The following SORCS3 variants were observed in gnomAD, a reference collection of about 807,000 sequenced individuals.
The protein encoded by SORCS3 is sortilin related VPS10 domain containing receptor 3, also known as VPS10 domain-containing receptor SorCS3.
A neutral mutation model predicts 146.3 loss-of-function variants in SORCS3; 57 were observed. The ratio of observed to expected loss-of-function variants is 0.39; its 90% CI spans 0.31 to 0.49. The LOEUF (loss-of-function observed/expected upper bound fraction) is 0.49. Ranked by LOEUF, SORCS3 falls within the 20% of genes least tolerant of loss-of-function variation. The pLI is 0.92. For synonymous variants in SORCS3, 653 were observed against 618.5 expected (o/e 1.06, Z -0.83); for missense variants, 1,341 against 1,575.5 (o/e 0.85, Z 2.52).
intron 4 of SORCS3, among the ~76,000 whole-genome samples, chr10:105,040,536 C>T (rs2055332005): frequency 2.0e-5 from 3 of 152,202 alleles, no homozygotes; most frequent in Admixed American, 2.0e-4. Flanking sequence ...TCTTTCCCAT[C>T]TGTCAACCTC....
At chr10:105,127,027 A>G (rs1377013) in intron 7 of SORCS3, among the ~76,000 whole-genome samples, 94,900 of 152,026 alleles carry the variant, frequency 0.62, 31,103 homozygotes, top group African/African-American at 0.83. Flanking sequence ...TCACAAAGGT[A>G]CTGAACCAGT....
intron 5 of SORCS3, among the ~76,000 whole-genome samples, chr10:105,057,367 T>C (rs1219596954): frequency 6.6e-6 from 1 of 152,200 alleles, no homozygotes; most frequent in Non-Finnish European, 1.5e-5. Context: ...AATGGTCTTT[T>C]CATTTCACAC....
chr10:105,060,954 A>G (rs146579661), intron 5 of SORCS3, among the ~76,000 whole-genome samples: 1 of 149,678 alleles, frequency 6.7e-6, no homozygotes, highest in Non-Finnish European at 1.5e-5. Flanking sequence ...AAAAAAAAAA[A>G]CAAACAAAAA....
rs1329759466 is a variant in SORCS3 at position 104,860,133 on chromosome 10, G to A, written c.695+17274G>A. On this transcript the variant is annotated intron_variant, in intron 2 of 26. Transcript: ENST00000369701. The stretch of plus-strand genomic sequence containing the variant: ...ACACATGCACACATATGTTTATTGC[G>A]GCACTATTCACAATAGCAAAGACTT... Among the ~76,000 whole-genome samples the A allele has an allele frequency of 3.1e-3, 376 of 120,398 alleles. 2 individuals carry two copies. The highest frequency in any genetic ancestry group is 0.015 in the South Asian group (54 of 3,520). The allele number at this position is 120,398 out of a possible 152,430, so 79.0% of individuals were successfully genotyped here. A position where few individuals can be genotyped will look rare whatever the true frequency, so the allele number is the denominator to read the frequency against.
intron 7 of SORCS3, among the ~76,000 whole-genome samples, chr10:105,126,107 C>T (rs2055971887): frequency 1.3e-5 from 2 of 152,214 alleles, no homozygotes; most frequent in South Asian, 4.2e-4. Context: ...TATGAACTGC[C>T]TCTGCAAAGA....
intron 19 of SORCS3, chr10:105,217,903 G>C (rs2056675087): frequency 1.5e-5 from 7 of 453,986 alleles, no homozygotes; most frequent in Non-Finnish European, 3.1e-5. Flanking sequence ...ATGTGTATCA[G>C]TGATATTCGT....
intron 1 of SORCS3, among the ~76,000 whole-genome samples, chr10:104,667,245 T>G (rs941678793): frequency 2.0e-5 from 3 of 152,182 alleles, no homozygotes; most frequent in Non-Finnish European, 2.9e-5. Context: ...TGTACTGACT[T>G]TCCCGAGCTC....
intron 8 of SORCS3, 89 bp from the exon 9 acceptor site, chr10:105,147,528 A>C: frequency 8.4e-7 from 1 of 1,186,286 alleles, no homozygotes; most frequent in Non-Finnish European, 1.2e-6. Context: ...TTTCTCAGCA[A>C]TTTCATAAGT....
intron 4 of SORCS3, among the ~76,000 whole-genome samples, chr10:105,024,019 A>T (rs117747796): frequency 2.9e-3 from 438 of 152,280 alleles, no homozygotes; most frequent in Non-Finnish European, 4.6e-3. Flanking sequence ...TGGCCCAAGG[A>T]GAAGCCAGCT....
intron 1 of SORCS3, among the ~76,000 whole-genome samples, chr10:104,727,047 A>C (rs1029454366): frequency 2.0e-5 from 3 of 152,142 alleles, no homozygotes; most frequent in African/African-American, 7.2e-5. Flanking sequence ...TTTTGCCATA[A>C]GTATTTGTGT....
chr10:104,792,724 T>C (rs2017509043), intron 1 of SORCS3, among the ~76,000 whole-genome samples: 1 of 152,218 alleles, frequency 6.6e-6, no homozygotes, highest in Admixed American at 6.5e-5. Flanking sequence ...TCATAAAACT[T>C]ATGACTTGGA....
At chr10:104,730,239 A>G (rs1045672938) in intron 1 of SORCS3, among the ~76,000 whole-genome samples, 3 of 152,230 alleles carry the variant, frequency 2.0e-5, no homozygotes, top group Admixed American at 6.5e-5. Context: ...TGAATAGTCC[A>G]ATGAAGTATA....
intron 1 of SORCS3, among the ~76,000 whole-genome samples, chr10:104,712,576 G>A (rs1215016076): frequency 6.6e-6 from 1 of 152,210 alleles, no homozygotes. Flanking sequence ...TCATAGGTGA[G>A]CTAGTTAGAA....
chr10:105,082,315 A>G (rs2055631305), intron 5 of SORCS3, among the ~76,000 whole-genome samples: 2 of 152,164 alleles, frequency 1.3e-5, no homozygotes, highest in Non-Finnish European at 2.9e-5. Context: ...GAAAAACACT[A>G]CCATTACTAG....
chr10:105,120,973 T>C (rs527291593), intron 7 of SORCS3, among the ~76,000 whole-genome samples: 4 of 152,256 alleles, frequency 2.6e-5, no homozygotes, highest in African/African-American at 7.2e-5. Flanking sequence ...GTGGCACTCA[T>C]GGTGTTTAAT....
At chr10:104,807,065 A>G (rs1484879457) in intron 1 of SORCS3, among the ~76,000 whole-genome samples, 1 of 141,686 alleles carries the variant, frequency 7.1e-6, no homozygotes, top group Non-Finnish European at 1.6e-5. Flanking sequence ...TTGCATTCAG[A>G]ATGCCTCTGG....
intron 1 of SORCS3, among the ~76,000 whole-genome samples, chr10:104,731,294 G>A (rs1490513352): frequency 1.3e-5 from 2 of 152,202 alleles, no homozygotes; most frequent in East Asian, 3.9e-4. Context: ...GATCTTTGGG[G>A]ATATCATGGC....
At chr10:104,863,056 C>T (rs2018422321) in intron 2 of SORCS3, among the ~76,000 whole-genome samples, 1 of 152,184 alleles carries the variant, frequency 6.6e-6, no homozygotes, top group African/African-American at 2.4e-5. Flanking sequence ...GTACGTTATA[C>T]TCTTCCTTTT....
intron 7 of SORCS3, among the ~76,000 whole-genome samples, chr10:105,110,945 T>G (rs1171217900): frequency 6.6e-6 from 1 of 152,146 alleles, no homozygotes; most frequent in Admixed American, 6.5e-5. Flanking sequence ...ATTTCTACAT[T>G]CAGTGGCAGC....
Sources: gnomAD v4.1 joint callset for allele counts (sites outside exome capture counted in the v4.1 genomes callset) on GRCh38, gnomAD v4.1.1 for gene constraint, MANE v1.5 for transcripts, NCBI Gene and HGNC (gene_info 2026-07-23, HGNC 2026-07-21) for gene names.